Variants in PSMA5 observed in about 807,000 individuals in gnomAD.
PSMA5 encodes the protein proteasome 20S subunit alpha 5.
Under a neutral mutation model 34.5 loss-of-function variants are expected in PSMA5, and 3 were observed. The observed-to-expected ratio is 0.09, with a 90% confidence interval of 0.04 to 0.22. PSMA5 has a LOEUF of 0.22. Ranked by LOEUF, PSMA5 falls within the 10% of genes least tolerant of loss-of-function variation. The pLI is 1.00. For missense variants in PSMA5, 120 were observed against 286.1 expected (o/e 0.42, Z 4.19); for synonymous variants, 88 against 95.8 (o/e 0.92, Z 0.47).
At chr1:109,403,099 G>T (rs1197946601) in intron 8 of PSMA5, among the ~76,000 whole-genome samples, 1 of 152,024 alleles carries the variant, frequency 6.6e-6, no homozygotes, top group African/African-American at 2.4e-5. Flanking sequence ...AGTAATAACT[G>T]GAAATCCAGA....
At chr1:109,417,079 T>G (rs1654237779) in intron 2 of PSMA5, among the ~76,000 whole-genome samples, 1 of 152,222 alleles carries the variant, frequency 6.6e-6, no homozygotes, top group South Asian at 2.1e-4. Context: ...CATTCCAGCC[T>G]GGACAACAGA....
intron 1 of PSMA5, chr1:109,425,747 A>G (rs982731478): frequency 2.0e-5 from 3 of 152,998 alleles, no homozygotes; most frequent in African/African-American, 7.2e-5. Context: ...ATTTTGGTCA[A>G]TTGGAATCGG....
At chr1:109,420,479 T>G (rs532123737) in intron 2 of PSMA5, among the ~76,000 whole-genome samples, 17 of 152,352 alleles carry the variant, frequency 1.1e-4, no homozygotes, top group Non-Finnish European at 1.8e-4. Context: ...TGAACCTAGA[T>G]GATGCAGGCC....
In PSMA5 at chr1:109,415,237, C is replaced by T. The variant is rs1305429448; in HGVS notation, c.223G>A (p.Gly75Ser). The change falls in exon 3 of 9, where the codon GGT (glycine) becomes AGT (serine). Residue 75 changes from glycine (G) to serine (S), a missense_variant and splice_region_variant. Coordinates refer to ENST00000271308, the MANE Select transcript of PSMA5 (RefSeq NM_002790.4). The stretch of plus-strand genomic sequence containing the variant: ...AGAACAGCTTTCCTCCACTCCTTAC[C>T]TATGTGAGCATCAATCTCTACAATT... ...EKIVEIDAHI[G>S]CAMSGLIADA... 6.2e-7 allele frequency: 1 copy of T among 1,612,690 alleles called. No homozygotes were observed. Among genetic ancestry groups the T allele is most frequent in the South Asian group, 1.1e-5 (1 of 90,838 alleles).
chr1:109,406,446 C>T (rs1007260073), intron 8 of PSMA5, among the ~76,000 whole-genome samples: 13 of 152,032 alleles, frequency 8.6e-5, no homozygotes, highest in African/African-American at 2.9e-4. Flanking sequence ...ACCTATAGTC[C>T]CAATTACTCA....
intron 6 of PSMA5, 120 bp from the exon 7 acceptor site, chr1:109,411,233 T>C: frequency 3.1e-6 from 2 of 652,684 alleles, no homozygotes; most frequent in Non-Finnish European, 5.4e-6. Context: ...ACCACTGAAA[T>C]ATTGAGGCAC....
rs1653482270 is a variant in PSMA5 at position 109,400,734 on chromosome 1, T to G, written c.*1279A>C. On this transcript the variant is annotated 3_prime_UTR_variant, in exon 9 of 9. Coordinates refer to ENST00000271308, the MANE Select transcript of PSMA5 (RefSeq NM_002790.4). The stretch of plus-strand genomic sequence containing the variant: ...TTTTTGTTGAACTACAGTATGGATT[T>G]AGTATGAATTCAGCCTATCCAAATA... The G allele has an allele frequency of 6.6e-6, 1 of 152,240 alleles. No homozygotes were observed. Among genetic ancestry groups the G allele is most frequent in the Non-Finnish European group, 1.5e-5 (1 of 68,048 alleles). 9.4% of individuals were successfully genotyped at this position (152,240 alleles called of 1,614,324 possible).
intron 2 of PSMA5, among the ~76,000 whole-genome samples, chr1:109,418,262 T>C (rs11803283): frequency 0.024 from 3,617 of 152,078 alleles, 152 homozygotes; most frequent in African/African-American, 0.083. Context: ...TATCTCCTAA[T>C]AGGTCTAGAC....
intron 2 of PSMA5, among the ~76,000 whole-genome samples, chr1:109,416,829 G>A (rs1214877519): frequency 6.6e-6 from 1 of 152,216 alleles, no homozygotes; most frequent in Non-Finnish European, 1.5e-5. Context: ...CTCAGGTTGG[G>A]CATGGTGGCT....
At chr1:109,421,737 T>A (rs1571031597) in intron 2 of PSMA5, 123 bp downstream of exon 2, 1 of 757,792 alleles carries the variant, frequency 1.3e-6, no homozygotes, top group East Asian at 3.0e-5. Context: ...TAACAGTGGT[T>A]GCTTAAAGGG....
In PSMA5 at chr1:109,418,165, G is replaced by A. The variant is rs536433895; in HGVS notation, c.97-2802C>T. 2.0e-5 allele frequency among the ~76,000 whole-genome samples: 3 copies of A among 152,234 alleles called. No homozygotes were observed. The South Asian group carries it at 6.2e-4, about 32-fold the overall frequency. On this transcript the variant is annotated intron_variant, in intron 2 of 8. Coordinates refer to ENST00000271308, the MANE Select transcript of PSMA5 (RefSeq NM_002790.4). ...GGAGGTTGAGGCTGCAGTGAGCTGT[G>A]ATCGTACCACTGCACTCCAGTCTAG...
At position 109,402,866 on chromosome 1, in the gene PSMA5, C is replaced by T. The variant is rs950160383; in HGVS notation, c.649-776G>A. On this transcript the variant is annotated intron_variant, in intron 8 of 8. Transcript: ENST00000271308. Reference sequence around the variant, plus strand: ...GATTACAGACATGCGCCACCACACCCGGCTAATTTTGTATTTTTAGTAGAG... The same window carrying T: ...GATTACAGACATGCGCCACCACACCTGGCTAATTTTGTATTTTTAGTAGAG... 8.6e-5 allele frequency among the ~76,000 whole-genome samples: 13 copies of T among 152,040 alleles called. No individual in the cohort carries two copies. The East Asian group carries it at 1.2e-3, about 14-fold the overall frequency.
chr1:109,423,745 T>G (rs1314913164), intron 1 of PSMA5, among the ~76,000 whole-genome samples: 1 of 152,180 alleles, frequency 6.6e-6, no homozygotes, highest in Non-Finnish European at 1.5e-5. Context: ...TATCAATTCC[T>G]CCTCCACAGT....
intron 8 of PSMA5, among the ~76,000 whole-genome samples, chr1:109,405,209 A>C (rs932732235): frequency 3.3e-5 from 5 of 152,054 alleles, no homozygotes; most frequent in Non-Finnish European, 7.3e-5. Context: ...TCAAATCCTG[A>C]CTCTACCATT....
In PSMA5 at chr1:109,400,813, C is replaced by G. The variant is rs1653486058; in HGVS notation, c.*1200G>C. Reference sequence around the variant, plus strand: ...TTCCTACACATCAATATACCCAGAGCCCAGCAAATAATTATGGGGTCCCTG... The same window carrying G: ...TTCCTACACATCAATATACCCAGAGGCCAGCAAATAATTATGGGGTCCCTG... On this transcript the variant is annotated 3_prime_UTR_variant, in exon 9 of 9. Transcript: ENST00000271308. The G allele has an allele frequency of 6.6e-6, 1 of 152,148 alleles. No individual in the cohort carries two copies. 9.4% of individuals were successfully genotyped at this position (152,148 alleles called of 1,614,324 possible).
At chr1:109,417,030 G>C (rs1348797362) in intron 2 of PSMA5, among the ~76,000 whole-genome samples, 2 of 152,292 alleles carry the variant, frequency 1.3e-5, no homozygotes, top group Middle Eastern at 6.8e-3. Flanking sequence ...GCTTGAGCCC[G>C]GGAGGCAGAG....
intron 4 of PSMA5, 23 bp from the exon 5 acceptor site, chr1:109,412,207 T>C (rs1201675940): frequency 1.3e-6 from 2 of 1,575,444 alleles, no homozygotes; most frequent in South Asian, 2.2e-5. Context: ...CAAAGCATGG[T>C]ACAACCTTCT....
Position 109,401,964 on chromosome 1 carries a change from A to T in PSMA5, c.*49T>A. The T allele has an allele frequency of 7.1e-7, 1 of 1,405,772 alleles. No individual in the cohort carries two copies. The highest frequency in any genetic ancestry group is 1.0e-6 in the Non-Finnish European group (1 of 1,002,878). The allele number at this position is 1,405,772 out of a possible 1,614,324, so 87.1% of individuals were successfully genotyped here. A position where few individuals can be genotyped will look rare whatever the true frequency, so the allele number is the denominator to read the frequency against. ...GGAGCTGGAAATAAAATTTAAGGAC[A>T]TTATTAGAACTGAAATTGTCCCAGA... On this transcript the variant is annotated 3_prime_UTR_variant, in exon 9 of 9. Transcript: ENST00000271308.
chr1:109,425,544 C>T (rs1185050718), intron 1 of PSMA5: 1 of 152,156 alleles, frequency 6.6e-6, no homozygotes, highest in Admixed American at 6.5e-5. Flanking sequence ...CATCTCATAC[C>T]ACTCAGTACA....
Sources: allele counts gnomAD v4.1 joint callset (sites outside exome capture counted in the v4.1 genomes callset), GRCh38; gene constraint gnomAD v4.1.1; transcripts MANE v1.5; gene names NCBI Gene and HGNC (gene_info 2026-07-23, HGNC 2026-07-21).